The following PTPRC variants were observed in gnomAD, a reference collection of about 807,000 sequenced individuals.
PTPRC encodes the protein protein tyrosine phosphatase receptor type C, also known as receptor-type tyrosine-protein phosphatase C.
PTPRC carries 44 observed loss-of-function variants against 155.9 expected under a neutral mutation model. That is an observed-to-expected ratio of 0.28 (90% CI 0.22 to 0.36). PTPRC has a LOEUF of 0.36. Ranked by LOEUF, PTPRC falls within the 10% of genes least tolerant of loss-of-function variation. The pLI, the probability that PTPRC is intolerant of heterozygous loss-of-function variation, is 1.00. For missense variants in PTPRC, 1,401 were observed against 1,564.6 expected, an observed-to-expected ratio of 0.90 and a Z score of 1.76; for synonymous variants, 525 against 533.1, an observed-to-expected ratio of 0.98 and a Z score of 0.21.
At chr1:198,645,681 A>G (rs1423983835) in intron 2 of PTPRC, among the ~76,000 whole-genome samples, 2 of 151,870 alleles carry the variant, frequency 1.3e-5, no homozygotes, top group Non-Finnish European at 2.9e-5. Flanking sequence ...TCCAAATGAT[A>G]TCTCTTCCTT....
chr1:198,661,439 T>C (rs1489537226), intron 2 of PTPRC, among the ~76,000 whole-genome samples: 2 of 151,710 alleles, frequency 1.3e-5, no homozygotes, highest in African/African-American at 4.8e-5. Flanking sequence ...TTACAAATCT[T>C]TTAAATGTCT....
intron 25 of PTPRC, among the ~76,000 whole-genome samples, chr1:198,743,654 G>A (rs1655014145): frequency 1.3e-5 from 2 of 151,670 alleles, no homozygotes; most frequent in Non-Finnish European, 1.5e-5. Context: ...GGTTTTCTAA[G>A]GAATAACAAC....
At chr1:198,739,124 A>G (rs193021937) in intron 23 of PTPRC, among the ~76,000 whole-genome samples, 6 of 151,882 alleles carry the variant, frequency 4.0e-5, no homozygotes, top group Admixed American at 1.3e-4. Context: ...AGAGAAAATC[A>G]CCTTCACTTA....
rs759967913 is a variant in PTPRC at position 198,728,385 on chromosome 1, T to A, written c.1766T>A (p.Val589Glu). The change falls in exon 16 of 33, where the codon GTG (valine) becomes GAG (glutamate). Residue 589 changes from valine (V) to glutamate (E), a missense_variant. Physicochemically the swap from Val to Glu is moderately radical, Grantham distance 121. Transcript: ENST00000442510. ...LIAFLAFLII[V>E]TSIALLVVLY... Reference sequence around the variant, plus strand: ...GCATTTCTGGCATTTCTGATTATTGTGACATCAATAGCCCTGCTTGTTGTT... The same window carrying A: ...GCATTTCTGGCATTTCTGATTATTGAGACATCAATAGCCCTGCTTGTTGTT... 1 of 1,613,164 alleles carries A rather than the reference T, an allele frequency of 6.2e-7. No individual in the cohort carries two copies. Among genetic ancestry groups the A allele is most frequent in the Non-Finnish European group, 8.5e-7 (1 of 1,179,596 alleles).
At chr1:198,734,721 A>C (rs1050608368) in intron 22 of PTPRC, among the ~76,000 whole-genome samples, 1 of 151,760 alleles carries the variant, frequency 6.6e-6, no homozygotes, top group African/African-American at 2.4e-5. Flanking sequence ...CACTGTTTTA[A>C]CTTCACAAGA....
chr1:198,703,595 C>A, intron 7 of PTPRC: 1 of 697,798 alleles, frequency 1.4e-6, no homozygotes. Flanking sequence ...CATCAGAAAG[C>A]ATGTGTGAGA....
intron 2 of PTPRC, among the ~76,000 whole-genome samples, chr1:198,649,861 G>A (rs1046454905): frequency 6.6e-6 from 1 of 151,852 alleles, no homozygotes; most frequent in Admixed American, 6.6e-5. Flanking sequence ...AACAAATTGA[G>A]ATAACTTCAG....
chr1:198,752,190 CT>C (rs1655414146), intron 29 of PTPRC, 58 bp from the exon 30 acceptor site: 4 of 1,544,186 alleles, frequency 2.6e-6, no homozygotes, highest in Middle Eastern at 1.7e-4. Context: ...AAGAGGGAGA[CT>C]GATCCTTTGC....
At chr1:198,702,091 G>A (rs1666487237) in intron 5 of PTPRC, among the ~76,000 whole-genome samples, 1 of 152,204 alleles carries the variant, frequency 6.6e-6, no homozygotes, top group African/African-American at 2.4e-5. Flanking sequence ...GCCTAAGGCA[G>A]CCTGCAGCCC....
chr1:198,722,932 T>A (rs1185330800), intron 15 of PTPRC, among the ~76,000 whole-genome samples: 2 of 151,850 alleles, frequency 1.3e-5, no homozygotes, highest in Non-Finnish European at 2.9e-5. Flanking sequence ...TGTAAATATT[T>A]ATCACTGATA....
intron 2 of PTPRC, among the ~76,000 whole-genome samples, chr1:198,666,411 G>C (rs1571804241): frequency 1.3e-5 from 2 of 152,104 alleles, no homozygotes; most frequent in Non-Finnish European, 2.9e-5. Flanking sequence ...AGTGATCATA[G>C]TGGCTCCAAA....
chr1:198,709,535 T>C (rs1334690654), intron 10 of PTPRC, 152 bp from the exon 11 acceptor site: 7 of 701,826 alleles, frequency 1.0e-5, no homozygotes, highest in Non-Finnish European at 1.4e-5. Flanking sequence ...ATGTAAAAAT[T>C]ATTTTTAGGG....
intron 2 of PTPRC, among the ~76,000 whole-genome samples, chr1:198,651,315 T>TGC (rs1431635700): frequency 2.0e-5 from 3 of 151,494 alleles, no homozygotes; most frequent in African/African-American, 7.3e-5. Context: ...TGTGTGTGTG[T>TGC]GTGTGTGTAT....
intron 2 of PTPRC, among the ~76,000 whole-genome samples, chr1:198,657,021 T>C (rs1051138447): frequency 3.2e-5 from 4 of 125,916 alleles, no homozygotes; most frequent in Non-Finnish European, 7.6e-5. Flanking sequence ...ATCAAGAGGT[T>C]TTTTTTTTAA....
At position 198,744,241 on chromosome 1, in the gene PTPRC, AC is replaced by A. The variant is rs769316522; in HGVS notation, c.2847+39del. ...ACAACAATAATAATAATTACAGATAACTTTTATTCAGTGTCATCTACTTTCT... is the reference window on the plus strand; with the variant it reads ...ACAACAATAATAATAATTACAGATAATTTTATTCAGTGTCATCTACTTTCT... On this transcript the variant is annotated intron_variant, in intron 26 of 32. Transcript: ENST00000442510. The A allele has an allele frequency of 5.1e-5, 80 of 1,553,716 alleles. No homozygotes were observed. In the Middle Eastern group the frequency reaches 1.5e-3, roughly 30 times the overall value.
chr1:198,727,513 C>T (rs752047756), intron 15 of PTPRC, among the ~76,000 whole-genome samples: 69 of 151,982 alleles, frequency 4.5e-4, no homozygotes, highest in Middle Eastern at 3.2e-3. Flanking sequence ...CACCGTGCTA[C>T]GTGTTTACTG....
chr1:198,706,899 C>G lies in PTPRC; in HGVS notation c.851C>G (p.Ser284Cys). ...TECKNASVSI[S>C]HNSCTAPDKT... is the part of the protein sequence containing the mutation. Reference sequence around the variant, plus strand: ...TGTAAAAATGCGTCTGTTTCCATATCTCATAATTCATGTACTGCTCCTGAT... The same window carrying G: ...TGTAAAAATGCGTCTGTTTCCATATGTCATAATTCATGTACTGCTCCTGAT... The change falls in exon 9 of 33, where the codon TCT becomes TGT. Residue 284 changes from serine to cysteine, a missense_variant. Ser to Cys is a moderately radical substitution (Grantham distance 112). This residue lies in a region of PTPRC where 867 missense variants were observed against 970.4 expected (regional missense o/e 0.89). Coordinates refer to ENST00000442510, the MANE Select transcript of PTPRC (RefSeq NM_002838.5). 6.2e-7 allele frequency: 1 copy of G among 1,613,228 alleles called. No individual in the cohort carries two copies. Among genetic ancestry groups the G allele is most frequent in the Non-Finnish European group, 8.5e-7 (1 of 1,179,262 alleles).
intron 2 of PTPRC, among the ~76,000 whole-genome samples, chr1:198,675,257 G>A (rs1204843607): frequency 6.6e-6 from 1 of 152,066 alleles, no homozygotes; most frequent in Admixed American, 6.5e-5. Context: ...ATGTTGATGA[G>A]AAGCAAACAT....
intron 29 of PTPRC, among the ~76,000 whole-genome samples, chr1:198,751,057 C>T (rs995685551): frequency 6.6e-6 from 1 of 151,890 alleles, no homozygotes; most frequent in East Asian, 1.9e-4. Flanking sequence ...GGTTTCATGC[C>T]CAAGCCTAAA....
Sources: gnomAD v4.1 joint callset for allele counts (sites outside exome capture counted in the v4.1 genomes callset) on GRCh38, gnomAD v4.1.1 for gene constraint, gnomAD v4.1.1 regional missense constraint, MANE v1.5 for transcripts, NCBI Gene and HGNC (gene_info 2026-07-23, HGNC 2026-07-21) for gene names.